SYT1: variants seen among roughly 807,000 people sequenced by gnomAD.
The protein encoded by SYT1 is synaptotagmin 1.
SYT1 carries 8 observed loss-of-function variants against 44.8 expected under a neutral mutation model. That is an observed-to-expected ratio of 0.18 (90% CI 0.10 to 0.32). The LOEUF (loss-of-function observed/expected upper bound fraction) is 0.32. Ranked by LOEUF, SYT1 falls within the 10% of genes least tolerant of loss-of-function variation. SYT1 has a pLI of 1.00. For synonymous variants in SYT1, 154 were observed against 188.8 expected, an observed-to-expected ratio of 0.82 and a Z score of 1.51; for missense variants, 286 against 509.3, an observed-to-expected ratio of 0.56 and a Z score of 4.22.
intron 3 of SYT1, among the ~76,000 whole-genome samples, chr12:79,109,190 C>T (rs951376641): frequency 6.6e-6 from 1 of 152,178 alleles, no homozygotes; most frequent in Non-Finnish European, 1.5e-5. Context: ...CAACCCAGTG[C>T]GCACTCCTCC....
rs139036986 is a variant in SYT1, at chr12:79,378,242, C to T, written c.928+24623C>T. Among the ~76,000 whole-genome samples, 7 of 152,308 alleles carry T rather than the reference C, an allele frequency of 4.6e-5. No homozygotes were observed. The East Asian group carries it at 1.2e-3, about 25-fold the overall frequency. ...ATTCCTTTATGCAATCCTTCCAATC[C>T]AACCCCAGTTTACAGATGTGTGCCT... On this transcript the variant is annotated intron_variant, in intron 9 of 10. Transcript: ENST00000261205.
At chr12:79,357,212 A>G (rs1883147314) in intron 9 of SYT1, among the ~76,000 whole-genome samples, 1 of 152,210 alleles carries the variant, frequency 6.6e-6, no homozygotes. Flanking sequence ...AAAAAATGCA[A>G]ATCTCAGCCC....
intron 8 of SYT1, among the ~76,000 whole-genome samples, chr12:79,351,177 A>G (rs1395376425): frequency 1.3e-5 from 2 of 152,180 alleles, no homozygotes; most frequent in African/African-American, 2.4e-5. Context: ...CCCATCCCAT[A>G]ACTTTAAAAT....
chr12:79,105,559 A>G (rs1653856389), intron 3 of SYT1, among the ~76,000 whole-genome samples: 1 of 152,180 alleles, frequency 6.6e-6, no homozygotes, highest in Non-Finnish European at 1.5e-5. Context: ...AATTGTTGAC[A>G]AAGTATTTTG....
At chr12:79,054,075 T>C (rs1874747042) in intron 3 of SYT1, among the ~76,000 whole-genome samples, 1 of 152,048 alleles carries the variant, frequency 6.6e-6, no homozygotes. Context: ...AGAATTCTTC[T>C]GATGTTATAG....
intron 1 of SYT1, among the ~76,000 whole-genome samples, chr12:78,971,245 A>G (rs1868373555): frequency 6.6e-6 from 1 of 152,174 alleles, no homozygotes; most frequent in Non-Finnish European, 1.5e-5. Flanking sequence ...TCCTTTCTTA[A>G]CCAAATTTAT....
intron 8 of SYT1, among the ~76,000 whole-genome samples, chr12:79,349,056 A>AG (rs1223897602): frequency 4.0e-4 from 51 of 125,980 alleles, no homozygotes; most frequent in African/African-American, 1.5e-3. Flanking sequence ...AAAGAAAGAA[A>AG]GGAGGGAGGG....
chr12:78,997,896 A>G (rs1438243743), intron 2 of SYT1, among the ~76,000 whole-genome samples: 2 of 152,134 alleles, frequency 1.3e-5, no homozygotes, highest in Non-Finnish European at 2.9e-5. Context: ...CAGTCACCCC[A>G]TCTTTCTCTT....
At chr12:79,014,115 C>T (rs1871619121) in intron 2 of SYT1, among the ~76,000 whole-genome samples, 1 of 113,308 alleles carries the variant, frequency 8.8e-6, no homozygotes, top group Admixed American at 1.1e-4. Context: ...CAGAGTGAGA[C>T]TCTCTCCAAA....
At chr12:79,206,995 A>T (rs2138519018) in intron 3 of SYT1, among the ~76,000 whole-genome samples, 1 of 152,308 alleles carries the variant, frequency 6.6e-6, no homozygotes, top group East Asian at 1.9e-4. Context: ...TGTGACAATG[A>T]GCATGTTTAT....
chr12:79,135,078 ATGT>A (rs1869099261), intron 3 of SYT1, among the ~76,000 whole-genome samples: 1 of 152,136 alleles, frequency 6.6e-6, no homozygotes, highest in Non-Finnish European at 1.5e-5. Context: ...CTAAAATATC[ATGT>A]TGTACACATT....
chr12:79,300,232 C>T (rs1027551156), intron 8 of SYT1, among the ~76,000 whole-genome samples: 5 of 152,222 alleles, frequency 3.3e-5, no homozygotes, highest in Admixed American at 2.6e-4. Context: ...TCTGATTATG[C>T]GATGCCTGCC....
At chr12:79,022,389 C>T (rs972571135) in intron 2 of SYT1, among the ~76,000 whole-genome samples, 7 of 151,684 alleles carry the variant, frequency 4.6e-5, no homozygotes, top group African/African-American at 7.3e-5. Context: ...GACCCCAAGA[C>T]GTTTTTAAAG....
In SYT1 at chr12:79,034,422, C is replaced by G. The variant is rs1290255895; in HGVS notation, c.-83-12875C>G. On this transcript the variant is annotated intron_variant, in intron 2 of 10. Coordinates refer to ENST00000261205, the MANE Select transcript of SYT1 (RefSeq NM_005639.3). ...AATGTCTAAAAAATTGATTTACTAC[C>G]CTCTCAAAGTCCATTCCAAAATTAC... Among the ~76,000 whole-genome samples, 3 of 151,448 alleles carry G rather than the reference C, an allele frequency of 2.0e-5. No individual in the cohort carries two copies. In the South Asian group the frequency reaches 6.2e-4, roughly 31 times the overall value.
chr12:78,971,594 T>A (rs1455961175), intron 1 of SYT1, among the ~76,000 whole-genome samples: 1 of 152,180 alleles, frequency 6.6e-6, no homozygotes, highest in South Asian at 2.1e-4. Context: ...TGGTAAACAA[T>A]TTTTCCTAAC....
intron 2 of SYT1, among the ~76,000 whole-genome samples, chr12:78,989,444 C>T (rs1736425112): frequency 6.6e-6 from 1 of 151,986 alleles, no homozygotes; most frequent in Admixed American, 6.6e-5. Flanking sequence ...TATGAAAACC[C>T]TGGGTCAGCC....
intron 9 of SYT1, among the ~76,000 whole-genome samples, chr12:79,396,922 A>T (rs1884892281): frequency 6.6e-6 from 1 of 152,220 alleles, no homozygotes; most frequent in African/African-American, 2.4e-5. Flanking sequence ...GTGAAAGGTA[A>T]ATGAAGGGGT....
chr12:79,386,089 C>T (rs946657637), intron 9 of SYT1, among the ~76,000 whole-genome samples: 1 of 152,102 alleles, frequency 6.6e-6, no homozygotes, highest in Admixed American at 6.6e-5. Context: ...TCATCTGGGG[C>T]CTTGAATTAC....
At chr12:79,023,494 T>C (rs556854163) in intron 2 of SYT1, among the ~76,000 whole-genome samples, 1 of 151,890 alleles carries the variant, frequency 6.6e-6, no homozygotes, top group East Asian at 1.9e-4. Context: ...TGGAGGAGCA[T>C]GCATTGGGAG....
Sources: gnomAD v4.1 joint callset for allele counts (sites outside exome capture counted in the v4.1 genomes callset) on GRCh38, gnomAD v4.1.1 for gene constraint, MANE v1.5 for transcripts, NCBI Gene and HGNC (gene_info 2026-07-23, HGNC 2026-07-21) for gene names.